Variants in ADGRA1 observed in about 807,000 individuals in gnomAD.
ADGRA1 encodes G-protein coupled receptor 123.
In ADGRA1, 12 loss-of-function variants were observed where a neutral mutation model predicts 21.3. The ratio of observed to expected loss-of-function variants is 0.56; its 90% CI spans 0.36 to 0.91. The LOEUF is 0.91. ADGRA1 is among the 40% of genes least tolerant of loss of function. ADGRA1 has a pLI of 0.01. For synonymous variants in ADGRA1, 385 were observed against 368.8 expected, an observed-to-expected ratio of 1.04 and a Z score of -0.50; for missense variants, 790 against 805.6, an observed-to-expected ratio of 0.98 and a Z score of 0.23.
Position 133,129,802 on chromosome 10 carries a change from A to C in ADGRA1, c.*291A>C. ...CCGCGTGCTGGTCCCGCACACGGTC[A>C]TCCGGTTTCTGTCCTGTGGTCTCCA... is the stretch of plus-strand genomic sequence containing the variant. On this transcript the variant is annotated 3_prime_UTR_variant, in exon 7 of 7. Coordinates refer to ENST00000392607, the MANE Select transcript of ADGRA1 (RefSeq NM_001083909.3). The C allele has an allele frequency of 2.5e-6, 1 of 394,736 alleles. No homozygotes were observed. The highest frequency in any genetic ancestry group is 4.7e-6 in the Non-Finnish European group (1 of 212,840). The allele number at this position is 394,736 out of a possible 1,614,324, so 24.5% of individuals were successfully genotyped here.
chr10:133,105,620 G>A (rs1851879873), intron 5 of ADGRA1, among the ~76,000 whole-genome samples: 2 of 152,230 alleles, frequency 1.3e-5, no homozygotes, highest in Non-Finnish European at 2.9e-5. Context: ...ACACGCCTGA[G>A]CCCCTTTCTG....
chr10:133,115,359 A>G (rs1484318533), intron 5 of ADGRA1, among the ~76,000 whole-genome samples: 1 of 152,180 alleles, frequency 6.6e-6, no homozygotes, highest in East Asian at 1.9e-4. Context: ...AGGCACAGGG[A>G]GCGGGGAACC....
Position 133,129,198 on chromosome 10 carries a change from C to T in ADGRA1, c.1370C>T (p.Pro457Leu), listed in dbSNP as rs1304822015. The change falls in exon 7 of 7, where the codon CCC becomes CTC. Residue 457 changes from proline to leucine, a missense_variant. Physicochemically the swap from Pro to Leu is moderately conservative, Grantham distance 98. This residue lies in a region of ADGRA1 where 391 missense variants were observed against 351.5 expected (regional missense o/e 1.11). Coordinates refer to ENST00000392607, the MANE Select transcript of ADGRA1 (RefSeq NM_001083909.3). ...SPRSSRTDSP[P>L]SSLDGPAGTH... ...CGCAGCTCGCGCACAGACAGCCCCC[C>T]CAGCTCTCTGGATGGCCCGGCGGGG... 4 of 1,550,398 alleles carry T rather than the reference C, an allele frequency of 2.6e-6. No homozygotes were observed. The highest frequency in any genetic ancestry group is 3.5e-6 in the Non-Finnish European group (4 of 1,147,020).
chr10:133,126,609 G>A (rs61862116), intron 5 of ADGRA1, among the ~76,000 whole-genome samples: 1 of 152,208 alleles, frequency 6.6e-6, no homozygotes, highest in African/African-American at 2.4e-5. Context: ...CATCCCGCTT[G>A]GATCCCTGGG....
chr10:133,099,423 G>A (rs949868927), intron 4 of ADGRA1, among the ~76,000 whole-genome samples: 4 of 152,132 alleles, frequency 2.6e-5, no homozygotes, highest in Admixed American at 6.5e-5. Context: ...CCCAACCCCC[G>A]GAAGCCAAAC....
chr10:133,094,747 C>A (rs1851659639), intron 2 of ADGRA1, among the ~76,000 whole-genome samples: 1 of 151,612 alleles, frequency 6.6e-6, no homozygotes, highest in Admixed American at 6.6e-5. Context: ...TTATTTTAGA[C>A]CCTGGGTCAA....
chr10:133,090,437 T>C (rs996392602), intron 2 of ADGRA1, among the ~76,000 whole-genome samples: 10 of 152,304 alleles, frequency 6.6e-5, no homozygotes, highest in Admixed American at 6.5e-4. Context: ...CAGCTCACTG[T>C]TTTTATTCAC....
At chr10:133,111,927 C>CACCACAG (rs1564849614) in intron 5 of ADGRA1, among the ~76,000 whole-genome samples, 6 of 41,768 alleles carry the variant, frequency 1.4e-4, no homozygotes, top group Admixed American at 5.0e-4. Flanking sequence ...ACCACCTGCC[C>CACCACAG]GCCGTGAGCA....
Position 133,088,119 on chromosome 10 carries a change from A to T in ADGRA1, c.-222A>T. ...GGGAGCGCGGCCCGGCCGCCCCGGC[A>T]GCCGCTTCGGCCACAGCAGGTGGGA... On this transcript the variant is annotated 5_prime_UTR_variant, in exon 1 of 7. Transcript: ENST00000392607. 1.0e-6 allele frequency: 1 copy of T among 984,834 alleles called. No individual in the cohort carries two copies. Among genetic ancestry groups the T allele is most frequent in the Non-Finnish European group, 1.2e-6 (1 of 829,604 alleles). The allele number at this position is 984,834 out of a possible 1,614,324, so 61.0% of individuals were successfully genotyped here. A position where few individuals can be genotyped will look rare whatever the true frequency, so the allele number is the denominator to read the frequency against.
chr10:133,098,880 C>T, intron 4 of ADGRA1, 117 bp downstream of exon 4: 2 of 1,368,480 alleles, frequency 1.5e-6, no homozygotes, highest in Non-Finnish European at 2.0e-6. Flanking sequence ...GAGGGTCGGA[C>T]CCTGGCACAT....
At chr10:133,089,187 C>T in intron 2 of ADGRA1, 2 of 512,472 alleles carry the variant, frequency 3.9e-6, no homozygotes, top group East Asian at 7.0e-5. Context: ...ATGGAGGCGA[C>T]GTCCCTCCCG....
intron 5 of ADGRA1, among the ~76,000 whole-genome samples, chr10:133,122,412 A>G (rs7904992): frequency 0.55 from 83,520 of 152,074 alleles, 23,059 homozygotes; most frequent in East Asian, 0.65. Flanking sequence ...GAGGGATCAC[A>G]GAGCCGGCAG....
chr10:133,130,945 A>G lies in ADGRA1; in HGVS notation c.*1434A>G, dbSNP rs1293238579. On this transcript the variant is annotated 3_prime_UTR_variant, in exon 7 of 7. Coordinates refer to ENST00000392607, the MANE Select transcript of ADGRA1 (RefSeq NM_001083909.3). ...GCTGTGCACATGTGCACACACACGT[A>G]GTAGTGTGTTTTCCAGCCACCCACA... 1 of 152,248 alleles carries G rather than the reference A, an allele frequency of 6.6e-6. No individual in the cohort carries two copies. The highest frequency in any genetic ancestry group is 2.4e-5 in the African/African-American group (1 of 41,462). The allele number at this position is 152,248 out of a possible 1,614,324, so 9.4% of individuals were successfully genotyped here.
chr10:133,113,583 GA>G, intron 5 of ADGRA1, among the ~76,000 whole-genome samples: 1 of 152,358 alleles, frequency 6.6e-6, no homozygotes, highest in East Asian at 1.9e-4. Context: ...GGGGCCCTGG[GA>G]ATGGCCAGTA....
chr10:133,122,336 T>C (rs1449874175), intron 5 of ADGRA1, among the ~76,000 whole-genome samples: 2 of 152,190 alleles, frequency 1.3e-5, no homozygotes, highest in Non-Finnish European at 2.9e-5. Context: ...TCGCCCCGTT[T>C]CCCCGTGTCC....
At chr10:133,110,039 G>A (rs1591177710) in intron 5 of ADGRA1, among the ~76,000 whole-genome samples, 1 of 152,350 alleles carries the variant, frequency 6.6e-6, no homozygotes, top group African/African-American at 2.4e-5. Flanking sequence ...GGACTCAGCA[G>A]CGGCGGCGTT....
chr10:133,093,730 C>T (rs1451780625), intron 2 of ADGRA1, among the ~76,000 whole-genome samples: 6 of 152,210 alleles, frequency 3.9e-5, no homozygotes, highest in Non-Finnish European at 8.8e-5. Flanking sequence ...GGCTGCATTG[C>T]GAGCCGAGGG....
chr10:133,116,808 T>C (rs1477949499), intron 5 of ADGRA1, among the ~76,000 whole-genome samples: 4 of 152,074 alleles, frequency 2.6e-5, no homozygotes, highest in Non-Finnish European at 4.4e-5. Context: ...TCTGGTCAGT[T>C]CCGAGTCAGG....
rs1852298884 is a variant in ADGRA1, at chr10:133,122,829, G to GTCCCCAGGCACACGCA, written c.402-4389_402-4388insATCCCCAGGCACACGC. Reference sequence around the variant, plus strand: ...GGCACACGCATCCCCAGGCACACGCGTCCCCAGGCACACGCGTCCCCAGGC... The same window carrying GTCCCCAGGCACACGCA: ...GGCACACGCATCCCCAGGCACACGCGTCCCCAGGCACACGCATCCCCAGGCACACGCGTCCCCAGGC... On this transcript the variant is annotated intron_variant, in intron 5 of 6. Transcript: ENST00000392607. 2.8e-5 allele frequency among the ~76,000 whole-genome samples: 4 copies of GTCCCCAGGCACACGCA among 142,850 alleles called. No individual in the cohort carries two copies. In the South Asian group the frequency reaches 6.4e-4, roughly 23 times the overall value. The allele number at this position is 142,850 out of a possible 152,430, so 93.7% of individuals were successfully genotyped here. A position where few individuals can be genotyped will look rare whatever the true frequency, so the allele number is the denominator to read the frequency against.
Sources: allele counts gnomAD v4.1 joint callset (sites outside exome capture counted in the v4.1 genomes callset), GRCh38; gene constraint gnomAD v4.1.1; regional missense constraint gnomAD v4.1.1; transcripts MANE v1.5; gene names NCBI Gene and HGNC (gene_info 2026-07-23, HGNC 2026-07-21).